Variants in FGF14 observed in about 807,000 individuals in gnomAD.
FGF14 encodes the protein fibroblast growth factor homologous factor 4.
FGF14 carries 5 observed loss-of-function variants against 25.5 expected under a neutral mutation model. That is an observed-to-expected ratio of 0.20 (90% confidence interval 0.10 to 0.41). The LOEUF is 0.41. FGF14 is among the 10% of genes least tolerant of loss of function. The probability of loss-of-function intolerance (pLI) is 1.00; values close to 1 mark genes in which losing one functional copy is unlikely to be tolerated. For missense variants in FGF14, 222 were observed against 320.1 expected, an observed-to-expected ratio of 0.69 and a Z score of 2.34; for synonymous variants, 138 against 118.3, an observed-to-expected ratio of 1.17 and a Z score of -1.08.
chr13:102,147,066 G>T (rs1442942765), intron 1 of FGF14, among the ~76,000 whole-genome samples: 1 of 152,176 alleles, frequency 6.6e-6, no homozygotes, highest in Non-Finnish European at 1.5e-5. Flanking sequence ...TAGCCCCACA[G>T]AATATATTAT....
intron 1 of FGF14, among the ~76,000 whole-genome samples, chr13:101,903,227 ACT>A (rs1243287903): frequency 2.1e-5 from 3 of 144,336 alleles, no homozygotes; most frequent in East Asian, 4.2e-4. Flanking sequence ...AGTTGTGGAG[ACT>A]CTAATTGTGG....
chr13:101,755,279 T>A (rs2037568184), intron 3 of FGF14, among the ~76,000 whole-genome samples: 1 of 152,214 alleles, frequency 6.6e-6, no homozygotes, highest in Non-Finnish European at 1.5e-5. Context: ...ACCCTCTTAA[T>A]CCTTGTATAT....
chr13:102,331,789 G>A (rs190356845), intron 1 of FGF14, among the ~76,000 whole-genome samples: 10 of 152,130 alleles, frequency 6.6e-5, no homozygotes, highest in Non-Finnish European at 1.5e-4. Context: ...TGGTAGTATA[G>A]CATCCTTACA....
At chr13:102,165,640 G>A (rs1173629219) in intron 1 of FGF14, among the ~76,000 whole-genome samples, 2 of 74,268 alleles carry the variant, frequency 2.7e-5, no homozygotes, top group East Asian at 9.5e-4. Flanking sequence ...ACAGGAAGGG[G>A]AACATCACAT....
chr13:102,172,003 T>G (rs986200285), intron 1 of FGF14, among the ~76,000 whole-genome samples: 3 of 116,382 alleles, frequency 2.6e-5, no homozygotes, highest in African/African-American at 1.1e-4. Flanking sequence ...TATTTATTTA[T>G]TTATTTAGTA....
At chr13:102,238,893 T>C (rs2051452261) in intron 1 of FGF14, among the ~76,000 whole-genome samples, 1 of 152,132 alleles carries the variant, frequency 6.6e-6, no homozygotes. Context: ...AGGTAGTACA[T>C]ATAAAATAAA....
intron 1 of FGF14, among the ~76,000 whole-genome samples, chr13:102,093,890 A>T (rs957565936): frequency 6.6e-6 from 1 of 151,658 alleles, no homozygotes; most frequent in African/African-American, 2.4e-5. Flanking sequence ...GCCAGCAGGC[A>T]TGAACATCTT....
At chr13:102,181,943 C>G (rs781161991) in intron 1 of FGF14, among the ~76,000 whole-genome samples, 1 of 152,150 alleles carries the variant, frequency 6.6e-6, no homozygotes, top group African/African-American at 2.4e-5. Flanking sequence ...GGGAGCGCGG[C>G]CCTGCTGAAA....
At chr13:101,918,437 C>CT (rs1394206959), upstream of FGF14, among the ~76,000 whole-genome samples, 1 of 152,208 alleles carries the variant, frequency 6.6e-6, no homozygotes, top group African/African-American at 2.4e-5. Context: ...GGAGAGATGG[C>CT]TCACTTGGTA....
chr13:101,997,016 A>C lies in FGF14; in HGVS notation c.209-121720T>G, dbSNP rs143674978. ...CTCACTCTCACTTTATTTAAATGCC[A>C]TCTGATGAGAAGGGCTTCTGCAGCC... is the stretch of plus-strand genomic sequence containing the variant. On this transcript the variant is annotated intron_variant, in intron 1 of 4. Transcript: ENST00000376131. Among the ~76,000 whole-genome samples, 1,140 of 152,292 alleles carry C rather than the reference A, an allele frequency of 7.5e-3. 16 individuals are homozygous for C. The highest frequency in any genetic ancestry group is 0.026 in the African/African-American group (1,068 of 41,550).
chr13:101,952,003 A>C (rs907236834), intron 1 of FGF14, among the ~76,000 whole-genome samples: 8 of 152,210 alleles, frequency 5.3e-5, no homozygotes, highest in African/African-American at 1.7e-4. Flanking sequence ...CATTGTGTTT[A>C]ATACTTTGTG....
chr13:102,231,200 C>T (rs1217834584), intron 1 of FGF14, among the ~76,000 whole-genome samples: 4 of 152,058 alleles, frequency 2.6e-5, no homozygotes, highest in Non-Finnish European at 5.9e-5. Flanking sequence ...TTTTTTAAGT[C>T]CTGAATTTTA....
chr13:102,053,932 G>C (rs1306034171), intron 1 of FGF14, among the ~76,000 whole-genome samples: 2 of 152,058 alleles, frequency 1.3e-5, no homozygotes, highest in South Asian at 4.1e-4. Context: ...ACAGTTCCTG[G>C]CACATAGTAC....
chr13:102,267,184 T>C lies in FGF14; in HGVS notation c.208+134287A>G, dbSNP rs114262600. Reference sequence around the variant, plus strand: ...TATTATACTTTAAGTTATTCACAACTATTGGGTTAGAATTATGTCCATGAG... The same window carrying C: ...TATTATACTTTAAGTTATTCACAACCATTGGGTTAGAATTATGTCCATGAG... On this transcript the variant is annotated intron_variant, in intron 1 of 4. Coordinates refer to the FGF14 transcript ENST00000376131. Among the ~76,000 whole-genome samples, 545 of 152,300 alleles carry C rather than the reference T, an allele frequency of 3.6e-3. 1 individual carries two copies. Among genetic ancestry groups the C allele is most frequent in the African/African-American group, 0.012 (513 of 41,564 alleles).
At chr13:102,328,638 G>A (rs1205401492) in intron 1 of FGF14, among the ~76,000 whole-genome samples, 1 of 152,230 alleles carries the variant, frequency 6.6e-6, no homozygotes, top group Non-Finnish European at 1.5e-5. Flanking sequence ...GCTTAGAATA[G>A]CTGTATCGTG....
At chr13:102,161,623 AAG>A (rs1209120474) in intron 1 of FGF14, among the ~76,000 whole-genome samples, 270 of 19,352 alleles carry the variant, frequency 0.014, 27 homozygotes, top group African/African-American at 0.074. Flanking sequence ...GAAGAAGAAG[AAG>A]AAGAAGAAGA....
intron 1 of FGF14, among the ~76,000 whole-genome samples, chr13:102,087,575 C>CTTTTTTTTTTT (rs1166446102): frequency 1.2e-3 from 94 of 79,880 alleles, no homozygotes; most frequent in African/African-American, 2.4e-3. Context: ...CCATGCCTGG[C>CTTTTTTTTTTT]TTTTTTTTTT....
chr13:102,077,998 C>T (rs897678880), intron 1 of FGF14, among the ~76,000 whole-genome samples: 1 of 151,978 alleles, frequency 6.6e-6, no homozygotes, highest in African/African-American at 2.4e-5. Flanking sequence ...CATGGATGAA[C>T]CTGGAAGACA....
intron 1 of FGF14, among the ~76,000 whole-genome samples, chr13:102,276,110 A>G (rs2053524780): frequency 6.6e-6 from 1 of 151,832 alleles, no homozygotes; most frequent in Non-Finnish European, 1.5e-5. Flanking sequence ...CAAATTGTTC[A>G]GTCTGAGACG....
Sources: gnomAD v4.1 joint callset for allele counts (sites outside exome capture counted in the v4.1 genomes callset) on GRCh38, gnomAD v4.1.1 for gene constraint, MANE v1.5 for transcripts, NCBI Gene and HGNC (gene_info 2026-07-23, HGNC 2026-07-21) for gene names.